Variants in ADAM23 observed in about 807,000 individuals in gnomAD.
ADAM23 encodes disintegrin and metalloproteinase domain-containing protein 23.
Under a neutral mutation model 120.1 loss-of-function variants are expected in ADAM23, and 33 were observed. The observed-to-expected ratio is 0.27, with a 90% CI of 0.21 to 0.37. The LOEUF (loss-of-function observed/expected upper bound fraction) is 0.37. Ranked by LOEUF, ADAM23 falls within the 10% of genes least tolerant of loss-of-function variation. The pLI, the probability that ADAM23 is intolerant of heterozygous loss-of-function variation, is 1.00. For missense variants in ADAM23, 862 were observed against 1,058.2 expected (o/e 0.81, Z 2.57); for synonymous variants, 367 against 375.2 (o/e 0.98, Z 0.25).
intron 2 of ADAM23, among the ~76,000 whole-genome samples, chr2:206,460,578 T>G (rs1695396652): frequency 6.6e-6 from 1 of 152,180 alleles, no homozygotes; most frequent in South Asian, 2.1e-4. Flanking sequence ...TCTAGTTGTT[T>G]GTGTTTTTTT....
intron 3 of ADAM23, among the ~76,000 whole-genome samples, chr2:206,509,838 T>C (rs997445278): frequency 4.6e-5 from 7 of 152,232 alleles, no homozygotes; most frequent in African/African-American, 1.7e-4. Context: ...TAAACTATGG[T>C]AATAAGTTTT....
chr2:206,471,862 G>A (rs1695666135), intron 2 of ADAM23, among the ~76,000 whole-genome samples: 1 of 152,072 alleles, frequency 6.6e-6, no homozygotes, highest in Non-Finnish European at 1.5e-5. Context: ...TGTCATAGTT[G>A]TATTTTTACT....
intron 3 of ADAM23, among the ~76,000 whole-genome samples, chr2:206,512,945 C>T (rs1696656212): frequency 6.6e-6 from 1 of 152,030 alleles, no homozygotes; most frequent in South Asian, 2.1e-4. Flanking sequence ...TTTGATGTTA[C>T]TATTATGGTT....
intron 19 of ADAM23, 138 bp downstream of exon 19, chr2:206,587,513 G>A: frequency 1.7e-6 from 1 of 593,826 alleles, no homozygotes; most frequent in East Asian, 3.0e-5. Flanking sequence ...TTCTAATTTA[G>A]AGTTGCTTCA....
At chr2:206,448,578 A>G (rs956950134) in intron 2 of ADAM23, among the ~76,000 whole-genome samples, 6 of 152,136 alleles carry the variant, frequency 3.9e-5, no homozygotes, top group African/African-American at 1.4e-4. Flanking sequence ...GGTCACCAGA[A>G]AGACCAGCAC....
At chr2:206,464,572 CA>C (rs201816820) in intron 2 of ADAM23, among the ~76,000 whole-genome samples, 40 of 140,370 alleles carry the variant, frequency 2.8e-4, no homozygotes, top group Admixed American at 4.3e-4. Context: ...GAGACTGTCT[CA>C]AAAAAAAAAA....
intron 3 of ADAM23, among the ~76,000 whole-genome samples, chr2:206,519,554 G>A (rs1352456867): frequency 6.6e-6 from 1 of 152,058 alleles, no homozygotes; most frequent in Non-Finnish European, 1.5e-5. Context: ...TTGCCACTTT[G>A]TATGATAGTA....
intron 9 of ADAM23, among the ~76,000 whole-genome samples, chr2:206,555,882 A>G (rs1366430408): frequency 6.6e-6 from 1 of 152,148 alleles, no homozygotes; most frequent in Non-Finnish European, 1.5e-5. Flanking sequence ...TAATGTTAAT[A>G]TTTTTCCTTT....
At chr2:206,594,031 T>C (rs1359868855) in intron 22 of ADAM23, among the ~76,000 whole-genome samples, 1 of 151,732 alleles carries the variant, frequency 6.6e-6, no homozygotes, top group Non-Finnish European at 1.5e-5. Flanking sequence ...GTGTTATAAT[T>C]GCCCACAGTT....
chr2:206,534,472 CAT>C (rs1019464013), intron 4 of ADAM23, among the ~76,000 whole-genome samples: 18 of 151,832 alleles, frequency 1.2e-4, no homozygotes, highest in African/African-American at 4.4e-4. Context: ...CATCACCTCA[CAT>C]AGTTATCTTT....
chr2:206,580,628 G>C (rs1384678946), intron 18 of ADAM23, among the ~76,000 whole-genome samples: 2 of 152,106 alleles, frequency 1.3e-5, no homozygotes, highest in African/African-American at 2.4e-5. Flanking sequence ...CTAGTATTTT[G>C]CTAAGGATTT....
chr2:206,453,467 G>A lies in ADAM23; in HGVS notation c.432+7943G>A, dbSNP rs527362894. 2.6e-5 allele frequency among the ~76,000 whole-genome samples: 4 copies of A among 152,292 alleles called. No individual in the cohort carries two copies. In the East Asian group the frequency reaches 7.7e-4, roughly 29 times the overall value. On this transcript the variant is annotated intron_variant, in intron 2 of 25. Coordinates refer to ENST00000264377, the MANE Select transcript of ADAM23 (RefSeq NM_003812.4). ...AGGCTTTATTCATACAAAGTATTCA[G>A]TTCACAATTGATATGGGCACCCTTT...
In ADAM23 at chr2:206,619,583, C is replaced by G. The variant is rs1297061453; in HGVS notation, c.*1956C>G. 3.3e-5 allele frequency: 5 copies of G among 151,258 alleles called. No individual in the cohort carries two copies. The highest frequency in any genetic ancestry group is 7.4e-5 in the Non-Finnish European group (5 of 67,932). The allele number at this position is 151,258 out of a possible 1,614,324, so 9.4% of individuals were successfully genotyped here. A position where few individuals can be genotyped will look rare whatever the true frequency, so the allele number is the denominator to read the frequency against. ...CTTCTTCATGACACCAAATCCATTG[C>G]TAGGTTTAGCTCCTGGTCCCTTTTC... On this transcript the variant is annotated 3_prime_UTR_variant, in exon 26 of 26. Coordinates refer to ENST00000264377, the MANE Select transcript of ADAM23 (RefSeq NM_003812.4).
rs184090893 is a variant in ADAM23, at chr2:206,514,215, A to G, written c.510-16670A>G. 8.3e-4 allele frequency among the ~76,000 whole-genome samples: 126 copies of G among 152,318 alleles called. No individual in the cohort carries two copies. In the East Asian group the frequency reaches 0.011, roughly 14 times the overall value. ...AGTTGCCATAGATCGTGATTACTCT[A>G]TTGGGTCTGGGCAAAGTAAATAGAA... On this transcript the variant is annotated intron_variant, in intron 3 of 25. Coordinates refer to ENST00000264377, the MANE Select transcript of ADAM23 (RefSeq NM_003812.4).
At chr2:206,612,522 C>T (rs1296669187) in intron 25 of ADAM23, among the ~76,000 whole-genome samples, 1 of 152,142 alleles carries the variant, frequency 6.6e-6, no homozygotes, top group East Asian at 1.9e-4. Flanking sequence ...GTAAGGTAAC[C>T]TGAACAATTT....
intron 24 of ADAM23, among the ~76,000 whole-genome samples, chr2:206,597,453 A>T (rs1698551197): frequency 6.6e-6 from 1 of 152,048 alleles, no homozygotes. Flanking sequence ...GGTGTGAGCT[A>T]CCGCGCCTGG....
intron 3 of ADAM23, among the ~76,000 whole-genome samples, chr2:206,506,545 G>A (rs1696500823): frequency 6.6e-6 from 1 of 152,196 alleles, no homozygotes; most frequent in African/African-American, 2.4e-5. Context: ...AGGCTGTCAT[G>A]GACCTTAACG....
chr2:206,601,617 TA>T (rs1437128546), intron 24 of ADAM23, among the ~76,000 whole-genome samples: 2 of 151,384 alleles, frequency 1.3e-5, no homozygotes, highest in East Asian at 3.9e-4. Context: ...TATAAAAAAA[TA>T]AAAAAATTAG....
In ADAM23 at chr2:206,543,277, C is replaced by T. The variant is rs558319181; in HGVS notation, c.681C>T (p.Phe227=). 3.1e-6 allele frequency: 5 copies of T among 1,613,980 alleles called. No individual in the cohort carries two copies. The highest frequency in any genetic ancestry group is 1.1e-5 in the South Asian group (1 of 91,060). ...GTGGCATGTTTGAAGATGATACCTTCGTGTATATGATAGAGCCACTAGAGC... is the reference window on the plus strand; with the variant it reads ...GTGGCATGTTTGAAGATGATACCTTTGTGTATATGATAGAGCCACTAGAGC... ...GLHGMFEDDT[F]VYMIEPLELV... Residue 227 remains phenylalanine, a synonymous_variant, in exon 6 of 26, where the codon TTC becomes TTT. Coordinates refer to ENST00000264377, the MANE Select transcript of ADAM23 (RefSeq NM_003812.4).
Sources: allele counts gnomAD v4.1 joint callset (sites outside exome capture counted in the v4.1 genomes callset), GRCh38; gene constraint gnomAD v4.1.1; transcripts MANE v1.5; gene names NCBI Gene and HGNC (gene_info 2026-07-23, HGNC 2026-07-21).